Variants in GRB14 observed in about 807,000 individuals in gnomAD.
GRB14 encodes growth factor receptor bound protein 14.
In GRB14, 38 loss-of-function variants were observed where a neutral mutation model predicts 69.1. The observed-to-expected ratio is 0.55, with a 90% CI of 0.42 to 0.72. The LOEUF (loss-of-function observed/expected upper bound fraction) is 0.72, where lower values mean the gene tolerates loss of function less well. Among genes scored for constraint, GRB14 ranks in the 30% least tolerant of loss-of-function variants. The probability of loss-of-function intolerance (pLI) is 0.00; values close to 1 mark genes in which losing one functional copy is unlikely to be tolerated. For missense variants in GRB14, 666 were observed against 666.1 expected, an observed-to-expected ratio of 1.00 and a Z score of 0.00; for synonymous variants, 247 against 241.3, an observed-to-expected ratio of 1.02 and a Z score of -0.22.
Position 164,492,771 on chromosome 2 carries a change from A to C in GRB14, c.*265T>G. On this transcript the variant is annotated 3_prime_UTR_variant, in exon 14 of 14. Coordinates refer to ENST00000263915, the MANE Select transcript of GRB14 (RefSeq NM_004490.3). ...TGTTTTAAATATGCATATTTGAAGA[A>C]AATATTATAGCAATGTAAAAATCAC... 1 of 287,472 alleles carries C rather than the reference A, an allele frequency of 3.5e-6. No homozygotes were observed. Among genetic ancestry groups the C allele is most frequent in the Non-Finnish European group, 6.4e-6 (1 of 156,842 alleles). 17.8% of individuals were successfully genotyped at this position (287,472 alleles called of 1,614,324 possible).
chr2:164,596,874 G>C (rs1055375681), intron 2 of GRB14, among the ~76,000 whole-genome samples: 1 of 151,618 alleles, frequency 6.6e-6, no homozygotes, highest in African/African-American at 2.4e-5. Flanking sequence ...TTTGAGTAAA[G>C]AACTATAGTT....
chr2:164,543,489 A>C (rs1428869787), intron 3 of GRB14, among the ~76,000 whole-genome samples: 1 of 152,214 alleles, frequency 6.6e-6, no homozygotes, highest in African/African-American at 2.4e-5. Flanking sequence ...AAAACCAAAT[A>C]TAATTTTATT....
intron 3 of GRB14, among the ~76,000 whole-genome samples, chr2:164,527,908 A>C (rs1160553252): frequency 6.6e-6 from 1 of 152,048 alleles, no homozygotes; most frequent in Non-Finnish European, 1.5e-5. Flanking sequence ...AGTATTATTC[A>C]TAATAGCCCC....
chr2:164,501,143 A>T (rs1336961644), intron 9 of GRB14, among the ~76,000 whole-genome samples: 3 of 152,126 alleles, frequency 2.0e-5, no homozygotes, highest in African/African-American at 4.8e-5. Flanking sequence ...TTTTATAAAA[A>T]TTCACTGTGC....
rs1418080368 is a variant in GRB14 at position 164,502,399 on chromosome 2, C to T, written c.1024-64G>A. ...TACTACTCTGATAATCTATGAAAATCAACACTTTCATCAATTATACAATAT... is the reference window on the plus strand; with the variant it reads ...TACTACTCTGATAATCTATGAAAATTAACACTTTCATCAATTATACAATAT... On this transcript the variant is annotated intron_variant, in intron 8 of 13. Transcript: ENST00000263915. 13 of 920,104 alleles carry T rather than the reference C, an allele frequency of 1.4e-5. No homozygotes were observed. The East Asian group carries it at 3.0e-4, about 21-fold the overall frequency. 57.0% of individuals were successfully genotyped at this position (920,104 alleles called of 1,614,324 possible).
chr2:164,546,747 A>G (rs1297697215), intron 3 of GRB14, among the ~76,000 whole-genome samples: 1 of 152,170 alleles, frequency 6.6e-6, no homozygotes, highest in African/African-American at 2.4e-5. Flanking sequence ...TGATGGGAGA[A>G]ATATCCCTGA....
chr2:164,619,862 T>A, intron 1 of GRB14, 43 bp from the exon 2 acceptor site: 1 of 1,527,994 alleles, frequency 6.5e-7, no homozygotes, highest in South Asian at 1.2e-5. Flanking sequence ...TAAAACAGAA[T>A]GTAAAATATA....
At chr2:164,563,335 C>T (rs1431587029) in intron 2 of GRB14, among the ~76,000 whole-genome samples, 24 of 152,276 alleles carry the variant, frequency 1.6e-4, no homozygotes, top group African/African-American at 5.3e-4. Context: ...GAGTTACCCA[C>T]CAATATCCAC....
intron 1 of GRB14, among the ~76,000 whole-genome samples, chr2:164,620,513 A>G (rs1216818936): frequency 1.6e-5 from 1 of 64,332 alleles, no homozygotes; most frequent in Non-Finnish European, 3.5e-5. Flanking sequence ...CGCTTTGAAA[A>G]TCAGGAAAAA....
chr2:164,589,316 A>ACAGGCAGTTTCACAGGCAG (rs1689605734), intron 2 of GRB14, among the ~76,000 whole-genome samples: 1 of 152,216 alleles, frequency 6.6e-6, no homozygotes, highest in Admixed American at 6.5e-5. Context: ...TTCACAGGCA[A>ACAGGCAGTTTCACAGGCAG]TGTCACAGAA....
chr2:164,501,652 G>T (rs1011904653), intron 9 of GRB14, among the ~76,000 whole-genome samples: 1 of 152,114 alleles, frequency 6.6e-6, no homozygotes, highest in Non-Finnish European at 1.5e-5. Context: ...CAGTGCTAGA[G>T]TTAATGTAAC....
intron 2 of GRB14, among the ~76,000 whole-genome samples, chr2:164,570,275 T>C (rs1175791654): frequency 3.5e-5 from 2 of 57,210 alleles, no homozygotes; most frequent in Non-Finnish European, 6.6e-5. Context: ...AGACTCCATC[T>C]AAAAAAAAAA....
intron 2 of GRB14, among the ~76,000 whole-genome samples, chr2:164,598,942 C>T (rs1046795934): frequency 4.1e-5 from 6 of 146,630 alleles, no homozygotes; most frequent in Non-Finnish European, 7.4e-5. Flanking sequence ...AAAACAATAA[C>T]GCTTACGTTA....
chr2:164,532,260 T>C (rs972115683), intron 3 of GRB14, among the ~76,000 whole-genome samples: 7 of 152,232 alleles, frequency 4.6e-5, no homozygotes, highest in Non-Finnish European at 8.8e-5. Flanking sequence ...AACAAACAAA[T>C]AATAGAAGAA....
chr2:164,568,303 G>A (rs1335639663), intron 2 of GRB14: 3 of 1,281,214 alleles, frequency 2.3e-6, no homozygotes, highest in African/African-American at 3.0e-5. Context: ...AAAGGATAAA[G>A]AAGTCACATA....
intron 4 of GRB14, among the ~76,000 whole-genome samples, chr2:164,526,382 T>C (rs985991240): frequency 9.2e-5 from 14 of 152,202 alleles, no homozygotes; most frequent in African/African-American, 2.9e-4. Flanking sequence ...CATTAGAATG[T>C]GACACACATT....
chr2:164,493,392 C>T (rs3828191), intron 13 of GRB14, among the ~76,000 whole-genome samples: 88,825 of 151,886 alleles, frequency 0.58, 26,797 homozygotes, highest in Admixed American at 0.66. Flanking sequence ...AGCACTGCTA[C>T]TCTACTTCAT....
chr2:164,511,736 A>C (rs1160111386), intron 6 of GRB14, among the ~76,000 whole-genome samples: 2 of 152,104 alleles, frequency 1.3e-5, no homozygotes, highest in African/African-American at 4.8e-5. Flanking sequence ...CTTGAGAAAA[A>C]CAGAGGGAAA....
At chr2:164,551,053 A>C (rs1188216740) in intron 2 of GRB14, among the ~76,000 whole-genome samples, 1 of 152,192 alleles carries the variant, frequency 6.6e-6, no homozygotes, top group Non-Finnish European at 1.5e-5. Context: ...GCATCTTAAA[A>C]TCAGCCATGA....
Sources: allele counts gnomAD v4.1 joint callset (sites outside exome capture counted in the v4.1 genomes callset), GRCh38; gene constraint gnomAD v4.1.1; transcripts MANE v1.5; gene names NCBI Gene and HGNC (gene_info 2026-07-23, HGNC 2026-07-21).